Variants in CLIC5 observed in about 807,000 individuals in gnomAD.
The protein encoded by CLIC5 is chloride intracellular channel protein 5.
A neutral mutation model predicts 24.7 loss-of-function variants in CLIC5; 20 were observed. That is an observed-to-expected ratio of 0.81 (90% CI 0.57 to 1.18). CLIC5 has a LOEUF of 1.18. CLIC5 is among the 50% of genes most tolerant of loss of function. CLIC5 has a pLI of 0.00. For synonymous variants in CLIC5, 159 were observed against 135.6 expected, an observed-to-expected ratio of 1.17 and a Z score of -1.20; for missense variants, 341 against 326.1, an observed-to-expected ratio of 1.05 and a Z score of -0.35.
chr6:45,989,570 C>T (rs913358232), intron 1 of CLIC5, among the ~76,000 whole-genome samples: 16 of 152,114 alleles, frequency 1.1e-4, no homozygotes, highest in African/African-American at 2.9e-4. Context: ...TTAATAAGCA[C>T]GTAAGTCAGG....
intron 1 of CLIC5, among the ~76,000 whole-genome samples, chr6:46,078,224 G>A (rs939537127): frequency 6.6e-6 from 1 of 152,110 alleles, no homozygotes; most frequent in Non-Finnish European, 1.5e-5. Flanking sequence ...GCCAGACCAG[G>A]TGGCACATGC....
At chr6:45,964,406 T>G (rs1259862683) in intron 1 of CLIC5, among the ~76,000 whole-genome samples, 2 of 152,194 alleles carry the variant, frequency 1.3e-5, no homozygotes, top group Non-Finnish European at 2.9e-5. Flanking sequence ...CTTCTTAAAA[T>G]AGGGCAGGCT....
At chr6:46,002,669 C>T (rs761616904) in intron 1 of CLIC5, among the ~76,000 whole-genome samples, 4 of 152,096 alleles carry the variant, frequency 2.6e-5, no homozygotes, top group South Asian at 2.1e-4. Context: ...TTTAAAAGGA[C>T]GTCTAAGAAA....
chr6:46,011,983 G>A (rs1766825724), intron 1 of CLIC5, among the ~76,000 whole-genome samples: 2 of 152,176 alleles, frequency 1.3e-5, no homozygotes, highest in Non-Finnish European at 2.9e-5. Context: ...TCAAGTCAGT[G>A]TGTTTACAGC....
intron 1 of CLIC5, among the ~76,000 whole-genome samples, chr6:46,032,252 T>G (rs1767524589): frequency 6.6e-6 from 1 of 151,950 alleles, no homozygotes; most frequent in Non-Finnish European, 1.5e-5. Flanking sequence ...AACAACCAGA[T>G]CTGATGAGAA....
In CLIC5 at chr6:45,902,488, G is replaced by A. The variant is rs998826648; in HGVS notation, c.*600C>T. 4 of 153,592 alleles carry A rather than the reference G, an allele frequency of 2.6e-5. No individual in the cohort carries two copies. Among genetic ancestry groups the A allele is most frequent in the African/African-American group, 7.2e-5 (3 of 41,452 alleles). The allele number at this position is 153,592 out of a possible 1,614,324, so 9.5% of individuals were successfully genotyped here. ...CATTCCTGGCACTGCAACAAACTGA[G>A]AATGTGTCTCAAGTGACTTTCCAGT... On this transcript the variant is annotated 3_prime_UTR_variant, in exon 6 of 6. Coordinates refer to ENST00000339561, the MANE Select transcript of CLIC5 (RefSeq NM_016929.5).
chr6:46,080,274 A>G, exon 1 of CLIC5: 1 of 1,513,392 alleles, frequency 6.6e-7, no homozygotes, highest in Non-Finnish European at 8.9e-7. Flanking sequence ...GTTTACAGGG[A>G]GACCTGAGTA....
At chr6:46,101,352 T>C in the CLIC5 span, among the ~76,000 whole-genome samples, 4 of 152,204 alleles carry the variant, frequency 2.6e-5, no homozygotes, top group African/African-American at 9.6e-5. Context: ...TAAAACTTCA[T>C]ATATGTTGTT....
At chr6:46,009,856 G>A (rs1260127389) in intron 1 of CLIC5, among the ~76,000 whole-genome samples, 2 of 152,164 alleles carry the variant, frequency 1.3e-5, no homozygotes, top group Admixed American at 1.3e-4. Context: ...CTGACAGGAG[G>A]AATCAACTTC....
rs1054185871 is a variant in CLIC5 at position 46,041,550 on chromosome 6, G to T, written c.540+38153C>A. Among the ~76,000 whole-genome samples the T allele has an allele frequency of 2.6e-5, 4 of 152,158 alleles. No homozygotes were observed. The East Asian group carries it at 5.8e-4, about 22-fold the overall frequency. ...ACTTTATCCTCACAATGCTTAGGAA[G>T]AAGTTTCAAAAGAAAACAGGGATTT... is the stretch of plus-strand genomic sequence containing the variant. On this transcript the variant is annotated intron_variant, in intron 1 of 5. Transcript: ENST00000185206.
Position 45,920,034 on chromosome 6 carries a change from G to A in CLIC5, c.407-5625C>T, listed in dbSNP as rs1763192962. The A allele has an allele frequency of 1.0e-5, 3 of 298,826 alleles. No individual in the cohort carries two copies. The South Asian group carries it at 4.0e-4, about 40-fold the overall frequency. 18.5% of individuals were successfully genotyped at this position (298,826 alleles called of 1,614,324 possible). On this transcript the variant is annotated intron_variant, in intron 4 of 5. Transcript: ENST00000339561. ...GCAAGGACTGTCCCATCACTCCTTG[G>A]GTATTCACGTGGCCTGACAGGTGCT...
chr6:46,009,309 A>G (rs935121720), intron 1 of CLIC5, among the ~76,000 whole-genome samples: 2 of 152,140 alleles, frequency 1.3e-5, no homozygotes. Context: ...TCCTTAAAGA[A>G]TTTCACATCT....
intron 1 of CLIC5, among the ~76,000 whole-genome samples, chr6:46,022,035 A>T (rs1767198720): frequency 6.6e-6 from 1 of 152,216 alleles, no homozygotes; most frequent in South Asian, 2.1e-4. Context: ...GTAACATCAG[A>T]CCTCATCTTA....
the CLIC5 span, among the ~76,000 whole-genome samples, chr6:46,094,983 A>G: frequency 3.0e-3 from 456 of 152,200 alleles, 2 homozygotes; most frequent in Middle Eastern, 0.01. Flanking sequence ...CAACTTTTGC[A>G]CTCTGTGCAC....
At chr6:45,896,316 T>C (rs1281778333), downstream of CLIC5, among the ~76,000 whole-genome samples, 1 of 152,246 alleles carries the variant, frequency 6.6e-6, no homozygotes, top group Admixed American at 6.5e-5. Context: ...GGTTGAAATG[T>C]CATTCCACTT....
At chr6:45,883,009 T>G (rs1581701678) in intron 6 of CLIC5, among the ~76,000 whole-genome samples, 1 of 152,242 alleles carries the variant, frequency 6.6e-6, no homozygotes, top group African/African-American at 2.4e-5. Context: ...CAGAAAGTGG[T>G]GGAGCAGATC....
At chr6:45,970,008 G>A (rs1765145509) in intron 1 of CLIC5, among the ~76,000 whole-genome samples, 1 of 152,084 alleles carries the variant, frequency 6.6e-6, no homozygotes, top group South Asian at 2.1e-4. Flanking sequence ...GCAGTGCCTG[G>A]CAGAAAGCAC....
At chr6:45,982,075 G>A (rs1301950433) in intron 1 of CLIC5, among the ~76,000 whole-genome samples, 1 of 152,252 alleles carries the variant, frequency 6.6e-6, no homozygotes, top group African/African-American at 2.4e-5. Context: ...TGGAATGTTG[G>A]AAGATGGCAA....
rs185801727 is a variant in CLIC5, at chr6:45,942,113, G to T, written c.300-460C>A. ...GAGCTAATTCTGGGAGCAAGGAGAA[G>T]CCAGGTATGTTAGCATTAAACCATT... On this transcript the variant is annotated intron_variant, in intron 3 of 5. Coordinates refer to ENST00000339561, the MANE Select transcript of CLIC5 (RefSeq NM_016929.5). 2.0e-5 allele frequency among the ~76,000 whole-genome samples: 3 copies of T among 152,298 alleles called. No individual in the cohort carries two copies. The East Asian group carries it at 5.8e-4, about 29-fold the overall frequency.
Sources: gnomAD v4.1 joint callset for allele counts (sites outside exome capture counted in the v4.1 genomes callset) on GRCh38, gnomAD v4.1.1 for gene constraint, MANE v1.5 for transcripts, NCBI Gene and HGNC (gene_info 2026-07-23, HGNC 2026-07-21) for gene names.